GPHB5: variants seen among roughly 807,000 people sequenced by gnomAD.
The protein encoded by GPHB5 is glycoprotein hormone beta-5.
Under a neutral mutation model 10.1 loss-of-function variants are expected in GPHB5, and 7 were observed. That is an observed-to-expected ratio of 0.69 (90% CI 0.39 to 1.30). GPHB5 has a LOEUF of 1.30. Among genes scored for constraint, GPHB5 ranks in the 50% most tolerant of loss-of-function variants. GPHB5 has a pLI of 0.01. For missense variants in GPHB5, 161 were observed against 169.8 expected (o/e 0.95, Z 0.29); for synonymous variants, 68 against 70.1 (o/e 0.97, Z 0.15).
At chr14:63,315,106 C>T (rs1882749922) in intron 2 of GPHB5, among the ~76,000 whole-genome samples, 1 of 151,658 alleles carries the variant, frequency 6.6e-6, no homozygotes, top group African/African-American at 2.4e-5. Context: ...TTTAACTCAC[C>T]TCTTTACTAA....
At chr14:63,313,665 C>A (rs76822581) in intron 2 of GPHB5, among the ~76,000 whole-genome samples, 5,522 of 152,222 alleles carry the variant, frequency 0.036, 203 homozygotes, top group African/African-American at 0.09. Context: ...CTCCTCTGAC[C>A]CACCAGGAAC....
At chr14:63,313,396 C>A (rs1163255603) in intron 2 of GPHB5, among the ~76,000 whole-genome samples, 1 of 152,124 alleles carries the variant, frequency 6.6e-6, no homozygotes, top group African/African-American at 2.4e-5. Flanking sequence ...TAACTGGTCT[C>A]CCCTCTTCCA....
At position 63,316,103 on chromosome 14, in the gene GPHB5, G is replaced by A. The variant is rs532968204; in HGVS notation, c.204+1543C>T. On this transcript the variant is annotated intron_variant, in intron 2 of 2. Transcript: ENST00000621500. ...CAGGTGAATTTGCTGCCAATTGACAGGCAAAGTCTACTTAGCAAAACCCGA... is the reference window on the plus strand; with the variant it reads ...CAGGTGAATTTGCTGCCAATTGACAAGCAAAGTCTACTTAGCAAAACCCGA... Among the ~76,000 whole-genome samples the A allele has an allele frequency of 3.7e-4, 56 of 152,316 alleles. No individual in the cohort carries two copies. The South Asian group carries it at 4.8e-3, about 13-fold the overall frequency.
intron 2 of GPHB5, among the ~76,000 whole-genome samples, chr14:63,315,408 A>G (rs1882755413): frequency 6.6e-6 from 1 of 152,242 alleles, no homozygotes. Context: ...TGAGACAGAC[A>G]GACTTACGCT....
At chr14:63,317,599 G>A (rs1882791586) in intron 2 of GPHB5, 47 bp downstream of exon 2, 1 of 1,566,812 alleles carries the variant, frequency 6.4e-7, no homozygotes, top group East Asian at 2.2e-5. Context: ...TCAGACCCAA[G>A]CTGCTGGCCT....
At chr14:63,318,372 A>T (rs1359248595) in intron 1 of GPHB5, among the ~76,000 whole-genome samples, 1 of 152,184 alleles carries the variant, frequency 6.6e-6, no homozygotes, top group African/African-American at 2.4e-5. Context: ...ATCGTTACTA[A>T]ACCAACTCAC....
chr14:63,318,248 C>T (rs1307209290), intron 1 of GPHB5, among the ~76,000 whole-genome samples: 2 of 152,134 alleles, frequency 1.3e-5, no homozygotes, highest in Non-Finnish European at 2.9e-5. Flanking sequence ...TTATTCAGGT[C>T]CAGGGTATTT....
At chr14:63,315,341 G>A (rs1255578) in intron 2 of GPHB5, among the ~76,000 whole-genome samples, 18,727 of 152,096 alleles carry the variant, frequency 0.12, 1,357 homozygotes, top group African/African-American at 0.2. Flanking sequence ...CAAACGCCCC[G>A]TAAAATTTCA....
chr14:63,317,953 G>C (rs934136781), intron 1 of GPHB5, 103 bp from the exon 2 acceptor site: 1 of 1,011,752 alleles, frequency 9.9e-7, no homozygotes, highest in Admixed American at 2.8e-5. Context: ...CTTGCTCCTA[G>C]CATTTCAGGG....
At chr14:63,317,509 G>A (rs1219758947) in intron 2 of GPHB5, 137 bp downstream of exon 2, 3 of 741,538 alleles carry the variant, frequency 4.0e-6, no homozygotes, top group African/African-American at 3.6e-5. Flanking sequence ...TCATAGTTTT[G>A]TTTTGGTTTT....
intron 2 of GPHB5, 102 bp downstream of exon 2, chr14:63,317,544 G>A: frequency 1.8e-6 from 2 of 1,095,254 alleles, no homozygotes; most frequent in South Asian, 1.6e-5. Context: ...AAGGGCAGAT[G>A]TCCCAGCTCT....
At chr14:63,314,516 G>A (rs938039331) in intron 2 of GPHB5, among the ~76,000 whole-genome samples, 2 of 147,486 alleles carry the variant, frequency 1.4e-5, no homozygotes, top group South Asian at 2.1e-4. Context: ...CGCCTCCCGG[G>A]TTCACGCCAT....
At chr14:63,316,291 A>G (rs1174365106) in intron 2 of GPHB5, among the ~76,000 whole-genome samples, 2 of 152,216 alleles carry the variant, frequency 1.3e-5, no homozygotes, top group Non-Finnish European at 2.9e-5. Flanking sequence ...TGGGTCCCCA[A>G]AGAGAAGGCT....
In GPHB5 at chr14:63,312,853, AAC is replaced by A. The variant is rs1393613865; in HGVS notation, c.*73_*74del. The A allele has an allele frequency of 7.3e-7, 1 of 1,369,554 alleles. No individual in the cohort carries two copies. The highest frequency in any genetic ancestry group is 1.5e-5 in the South Asian group (1 of 65,922). 84.8% of individuals were successfully genotyped at this position (1,369,554 alleles called of 1,614,324 possible). ...TCCTCCATGGGTGTGGTCGAAATTA[AAC>A]AGTCTTGCATCCAGGAAGTATAACT... is the stretch of plus-strand genomic sequence containing the variant. On this transcript the variant is annotated 3_prime_UTR_variant, in exon 3 of 3. Coordinates refer to ENST00000621500, the MANE Select transcript of GPHB5 (RefSeq NM_145171.4).
intron 2 of GPHB5, 119 bp from the exon 3 acceptor site, chr14:63,313,235 T>A (rs1882704458): frequency 1.0e-6 from 1 of 970,740 alleles, no homozygotes; most frequent in African/African-American, 1.7e-5. Flanking sequence ...CTTGTTGCTC[T>A]GTCGTCTCCC....
intron 2 of GPHB5, among the ~76,000 whole-genome samples, chr14:63,314,269 G>A (rs899224680): frequency 6.6e-6 from 1 of 151,518 alleles, no homozygotes; most frequent in African/African-American, 2.4e-5. Context: ...GCCACTTGCT[G>A]GAGACCTTGG....
chr14:63,315,005 C>T (rs1882747326), intron 2 of GPHB5, among the ~76,000 whole-genome samples: 1 of 150,214 alleles, frequency 6.7e-6, no homozygotes. Context: ...TGGGTTCAAG[C>T]AAGTCTTCTG....
Position 63,313,012 on chromosome 14 carries a change from G to A in GPHB5, c.309C>T (p.Val103=), listed in dbSNP as rs760055309. 1.1e-5 allele frequency: 17 copies of A among 1,588,064 alleles called. No individual in the cohort carries two copies. Among genetic ancestry groups the A allele is most frequent in the South Asian group, 5.8e-5 (5 of 86,838 alleles). ...TVKLPNCAPG[V]DPFYTYPVAI... is the part of the protein sequence containing the mutation. Reference sequence around the variant, plus strand: ...CCACGGGATAGGTGTAGAAGGGGTCGACTCCCGGGGCACAGTTGGGCAGCT... The same window carrying A: ...CCACGGGATAGGTGTAGAAGGGGTCAACTCCCGGGGCACAGTTGGGCAGCT... The change falls in exon 3 of 3, where the codon GTC becomes GTT. Residue 103 remains valine (V), a synonymous_variant. Coordinates refer to ENST00000621500, the MANE Select transcript of GPHB5 (RefSeq NM_145171.4).
In GPHB5 at chr14:63,312,965, G is replaced by T. The variant is rs1018314398; in HGVS notation, c.356C>A (p.Ala119Asp). 1.3e-6 allele frequency: 2 copies of T among 1,555,592 alleles called. No individual in the cohort carries two copies. Among genetic ancestry groups the T allele is most frequent in the South Asian group, 1.2e-5 (1 of 84,274 alleles). ...ACACTCCGTGGTGGCAGTGGAGCAG[G>T]CTCCGCAGTCACAGCGGATGGCCAC... ...YPVAIRCDCG[A>D]CSTATTECET... The change falls in exon 3 of 3, where the codon GCC becomes GAC. Residue 119 changes from alanine to aspartate, a missense_variant. Transcript: ENST00000621500.
Sources: allele counts gnomAD v4.1 joint callset (sites outside exome capture counted in the v4.1 genomes callset), GRCh38; gene constraint gnomAD v4.1.1; transcripts MANE v1.5; gene names NCBI Gene and HGNC (gene_info 2026-07-23, HGNC 2026-07-21).